GRM8: variants seen among roughly 807,000 people sequenced by gnomAD.
GRM8 encodes the protein metabotropic glutamate receptor 8.
In GRM8, 47 loss-of-function variants were observed where a neutral mutation model predicts 87.2. The ratio of observed to expected loss-of-function variants is 0.54; its 90% CI spans 0.43 to 0.69. The LOEUF is 0.69. Ranked by LOEUF, GRM8 falls within the 30% of genes least tolerant of loss-of-function variation. The probability of loss-of-function intolerance (pLI) is 0.00; values close to 1 mark genes in which losing one functional copy is unlikely to be tolerated. For missense variants in GRM8, 1,019 were observed against 1,139.2 expected (o/e 0.89, Z 1.52); for synonymous variants, 396 against 404.5 (o/e 0.98, Z 0.25).
chr7:126,576,214 A>C (rs982244217), intron 8 of GRM8, among the ~76,000 whole-genome samples: 1 of 152,192 alleles, frequency 6.6e-6, no homozygotes, highest in South Asian at 2.1e-4. Context: ...TGGCAAAAGA[A>C]GACTCAATTC....
At chr7:126,800,593 T>C (rs1822556800) in intron 6 of GRM8, among the ~76,000 whole-genome samples, 2 of 152,152 alleles carry the variant, frequency 1.3e-5, no homozygotes, top group Admixed American at 6.6e-5. Context: ...ACTGTGCCAC[T>C]TGGAGGGCAT....
chr7:127,026,288 G>T (rs1180245375), intron 3 of GRM8, among the ~76,000 whole-genome samples: 1 of 152,092 alleles, frequency 6.6e-6, no homozygotes, highest in Non-Finnish European at 1.5e-5. Flanking sequence ...TTGCTATTGG[G>T]AATAGTGCCA....
intron 3 of GRM8, among the ~76,000 whole-genome samples, chr7:126,997,546 G>GA (rs553005806): frequency 0.23 from 18,739 of 81,830 alleles, 1,406 homozygotes; most frequent in Middle Eastern, 0.33. Context: ...GCCAGACTAA[G>GA]AAAAAAAAAA....
chr7:127,165,094 T>C (rs1410871371), intron 2 of GRM8, among the ~76,000 whole-genome samples: 4 of 140,980 alleles, frequency 2.8e-5, no homozygotes, highest in Non-Finnish European at 6.1e-5. Context: ...CCTGCCCTCA[T>C]GGAGCTTCCT....
At chr7:126,609,905 G>T (rs148328421) in intron 7 of GRM8, among the ~76,000 whole-genome samples, 200 of 152,298 alleles carry the variant, frequency 1.3e-3, no homozygotes, top group African/African-American at 4.6e-3. Context: ...AATATGGCAG[G>T]AGAACTTTCT....
intron 6 of GRM8, among the ~76,000 whole-genome samples, chr7:126,897,325 C>T (rs1313532984): frequency 6.6e-6 from 1 of 152,090 alleles, no homozygotes; most frequent in Non-Finnish European, 1.5e-5. Flanking sequence ...AAGAAAGACT[C>T]TACTGCCAAT....
intron 3 of GRM8, among the ~76,000 whole-genome samples, chr7:127,026,852 G>T (rs1162611807): frequency 6.6e-6 from 1 of 152,102 alleles, no homozygotes; most frequent in Non-Finnish European, 1.5e-5. Context: ...GATCCCATTT[G>T]TCAATTTTGG....
intron 3 of GRM8, among the ~76,000 whole-genome samples, chr7:126,917,373 CCACACACACACA>C (rs71312846): frequency 6.8e-6 from 1 of 148,070 alleles, no homozygotes. Flanking sequence ...CCTCCTCCAA[CCACACACACACA>C]CACACACACA....
chr7:126,904,610 T>C lies in GRM8; in HGVS notation c.801A>G (p.Lys267=). Residue 267 remains lysine, a synonymous_variant, in exon 4 of 11, where the codon AAA becomes AAG. Transcript: ENST00000339582. ...PRPGEFEKII[K]RLLETPNARA... ...GAGCATTAGGTGTTTCTAGCAGGCG[T>C]TTGATAATTTTTTCAAATTCTCCAG... 6.2e-7 allele frequency: 1 copy of C among 1,613,778 alleles called. No individual in the cohort carries two copies.
chr7:126,798,678 T>C (rs1204743908), intron 6 of GRM8, among the ~76,000 whole-genome samples: 1 of 152,154 alleles, frequency 6.6e-6, no homozygotes, highest in Admixed American at 6.5e-5. Flanking sequence ...TGGGACAGTT[T>C]CCTTCAACAA....
At chr7:126,467,431 G>C (rs993986349) in intron 9 of GRM8, among the ~76,000 whole-genome samples, 1 of 151,946 alleles carries the variant, frequency 6.6e-6, no homozygotes, top group East Asian at 1.9e-4. Context: ...GATATCGAAG[G>C]CTTCATGCTT....
intron 3 of GRM8, among the ~76,000 whole-genome samples, chr7:127,027,019 T>G (rs1816853937): frequency 6.6e-6 from 1 of 152,210 alleles, no homozygotes; most frequent in Non-Finnish European, 1.5e-5. Context: ...GTATAAGGTA[T>G]AAGGAAGGAA....
chr7:127,115,846 G>C (rs1234768760), intron 2 of GRM8, among the ~76,000 whole-genome samples: 1 of 152,194 alleles, frequency 6.6e-6, no homozygotes, highest in African/African-American at 2.4e-5. Context: ...GCTGGGCCCA[G>C]TGGCTTTCAT....
chr7:126,999,125 G>A (rs1813467177), intron 3 of GRM8, among the ~76,000 whole-genome samples: 1 of 151,414 alleles, frequency 6.6e-6, no homozygotes. Flanking sequence ...AAGCTGCCAA[G>A]AACATATATT....
Position 126,951,083 on chromosome 7 carries a change from T to C in GRM8, c.728-46400A>G, listed in dbSNP as rs147717290. ...ACAATAATGCTGTAAAAAAGATTAA[T>C]GAAGATCTCTTTGAATTGTTACAGG... is the stretch of plus-strand genomic sequence containing the variant. On this transcript the variant is annotated intron_variant, in intron 3 of 10. Transcript: ENST00000339582. Among the ~76,000 whole-genome samples the C allele has an allele frequency of 1.6e-3, 249 of 152,258 alleles. 1 individual carries two copies. Among genetic ancestry groups the C allele is most frequent in the African/African-American group, 5.8e-3 (241 of 41,562 alleles).
chr7:126,738,082 G>A lies in GRM8; in HGVS notation c.1357+31783C>T, dbSNP rs551749722. On this transcript the variant is annotated intron_variant, in intron 7 of 10. Transcript: ENST00000339582. ...ATTCAGGAAAAGGAACAACATATGT[G>A]CTATCATAAAGGTGGGCATGACCCA... Among the ~76,000 whole-genome samples the A allele has an allele frequency of 2.6e-5, 4 of 152,202 alleles. No homozygotes were observed. In the East Asian group the frequency reaches 7.7e-4, roughly 29 times the overall value.
At chr7:126,974,833 G>A (rs1482017172) in intron 3 of GRM8, among the ~76,000 whole-genome samples, 3 of 151,444 alleles carry the variant, frequency 2.0e-5, no homozygotes, top group Middle Eastern at 3.4e-3. Context: ...CTTCTCAGGA[G>A]GCTGAGGCAG....
intron 9 of GRM8, among the ~76,000 whole-genome samples, chr7:126,451,138 G>T (rs79686177): frequency 6.6e-6 from 1 of 151,686 alleles, no homozygotes; most frequent in Admixed American, 6.6e-5. Context: ...GACAAATTCC[G>T]GGCTTTTCTT....
At chr7:127,184,229 C>T (rs1794624558) in intron 2 of GRM8, among the ~76,000 whole-genome samples, 1 of 151,770 alleles carries the variant, frequency 6.6e-6, no homozygotes, top group South Asian at 2.1e-4. Context: ...CAATATCTAT[C>T]ATGAAGATAA....
Sources: gnomAD v4.1 joint callset for allele counts (sites outside exome capture counted in the v4.1 genomes callset) on GRCh38, gnomAD v4.1.1 for gene constraint, MANE v1.5 for transcripts, NCBI Gene and HGNC (gene_info 2026-07-23, HGNC 2026-07-21) for gene names.